Variants in AKAP12 observed in about 807,000 individuals in gnomAD.
AKAP12 encodes the protein A-kinase anchor protein 12.
AKAP12 carries 32 observed loss-of-function variants against 79.9 expected under a neutral mutation model. That is an observed-to-expected ratio of 0.40 (90% CI 0.30 to 0.54). The LOEUF is 0.54. Among genes scored for constraint, AKAP12 ranks in the 20% least tolerant of loss-of-function variants. The probability of loss-of-function intolerance (pLI) is 0.48; values close to 1 mark genes in which losing one functional copy is unlikely to be tolerated. For synonymous variants in AKAP12, 808 were observed against 857.0 expected (o/e 0.94, Z 1.00); for missense variants, 2,074 against 2,177.0 (o/e 0.95, Z 0.94).
chr6:151,350,143 C>G lies in AKAP12; in HGVS notation c.1752C>G (p.Ala584=), dbSNP rs1214335132. Residue 584 remains alanine, a synonymous_variant, in exon 4 of 5, where the codon GCC becomes GCG. Transcript: ENST00000402676. The surrounding 1 kb of genome is among the most constrained non-coding windows in gnomAD (Gnocchi z 4.8). ...TCACGTGTCTGGAAAAGGGCTTAGC[C>G]GAGGTGCAGCAGGATGGGGAAGCTG... ...EEITCLEKGL[A]EVQQDGEAEE... 1.9e-6 allele frequency: 3 copies of G among 1,613,698 alleles called. No homozygotes were observed. Among genetic ancestry groups the G allele is most frequent in the East Asian group, 4.5e-5 (2 of 44,842 alleles).
chr6:151,294,419 T>G (rs1004741212), intron 2 of AKAP12, among the ~76,000 whole-genome samples: 1 of 152,204 alleles, frequency 6.6e-6, no homozygotes, highest in African/African-American at 2.4e-5. Flanking sequence ...GTAATTACTG[T>G]CCACAGTGTC....
intron 2 of AKAP12, 77 bp from the exon 3 acceptor site, chr6:151,305,670 T>G (rs1290087737): frequency 1.5e-5 from 21 of 1,383,544 alleles, no homozygotes; most frequent in Middle Eastern, 1.8e-4. Flanking sequence ...TGGTTTGTAT[T>G]CTGGAAGTTA....
At chr6:151,285,340 A>G (rs934066272) in intron 2 of AKAP12, among the ~76,000 whole-genome samples, 2 of 149,282 alleles carry the variant, frequency 1.3e-5, no homozygotes, top group African/African-American at 5.0e-5. Flanking sequence ...CTATTGAACT[A>G]TTTTTTCCTT....
At chr6:151,321,109 C>T (rs747285967) in intron 3 of AKAP12, among the ~76,000 whole-genome samples, 14 of 152,036 alleles carry the variant, frequency 9.2e-5, no homozygotes, top group Non-Finnish European at 1.9e-4. Context: ...GCCTCAGCCT[C>T]CCGAGTAGCT....
intron 2 of AKAP12, among the ~76,000 whole-genome samples, chr6:151,303,920 T>G (rs1310124845): frequency 6.6e-6 from 1 of 152,144 alleles, no homozygotes; most frequent in Non-Finnish European, 1.5e-5. Flanking sequence ...CTGGAAATAG[T>G]TGGTGGCAAG....
At chr6:151,251,320 C>T (rs1167862165) in intron 2 of AKAP12, among the ~76,000 whole-genome samples, 2 of 152,100 alleles carry the variant, frequency 1.3e-5, no homozygotes, top group Non-Finnish European at 2.9e-5. Context: ...CGTCGTGAAC[C>T]CCTGGGAGAC....
intron 3 of AKAP12, chr6:151,325,940 G>A: frequency 1.9e-6 from 3 of 1,613,600 alleles, no homozygotes; most frequent in Non-Finnish European, 2.5e-6. Context: ...CACGGGGCAC[G>A]AAAAGGGGCT....
intron 3 of AKAP12, chr6:151,341,884 C>T (rs945254665): frequency 4.0e-6 from 4 of 1,001,508 alleles, no homozygotes; most frequent in East Asian, 6.9e-5. Context: ...GAAGGGCCTG[C>T]GCCCGTGGCA....
chr6:151,323,793 A>G (rs1777458609), intron 3 of AKAP12: 1 of 985,228 alleles, frequency 1.0e-6, no homozygotes. Context: ...GGAGCTGGAG[A>G]TTCATTCTGC....
chr6:151,260,422 C>G (rs1797403536), intron 2 of AKAP12, among the ~76,000 whole-genome samples: 2 of 152,140 alleles, frequency 1.3e-5, no homozygotes, highest in South Asian at 4.1e-4. Flanking sequence ...GGCTATGCTG[C>G]CGAATAGGAG....
intron 2 of AKAP12, among the ~76,000 whole-genome samples, chr6:151,276,406 AT>A (rs1250976862): frequency 2.6e-5 from 4 of 152,220 alleles, no homozygotes; most frequent in African/African-American, 9.7e-5. Context: ...TGATTAAGAC[AT>A]TTTCATAGCT....
At chr6:151,312,880 G>T (rs906052849) in intron 3 of AKAP12, among the ~76,000 whole-genome samples, 6 of 151,940 alleles carry the variant, frequency 3.9e-5, no homozygotes, top group African/African-American at 1.5e-4. Flanking sequence ...GATGGGGTGA[G>T]GGGGGCTGTT....
chr6:151,344,469 A>AT (rs1029047433), intron 3 of AKAP12, among the ~76,000 whole-genome samples: 1 of 152,026 alleles, frequency 6.6e-6, no homozygotes, highest in African/African-American at 2.4e-5. Flanking sequence ...ACAAAAAAAA[A>AT]CTCTAGGTCA....
intron 3 of AKAP12, among the ~76,000 whole-genome samples, chr6:151,311,060 T>A (rs1777089071): frequency 6.6e-6 from 1 of 152,218 alleles, no homozygotes; most frequent in Non-Finnish European, 1.5e-5. Context: ...CTCAAACTTC[T>A]GGGCACATGT....
intron 3 of AKAP12, among the ~76,000 whole-genome samples, chr6:151,306,285 G>A (rs1042248868): frequency 2.6e-5 from 4 of 152,164 alleles, no homozygotes; most frequent in African/African-American, 7.2e-5. Context: ...TGCAAGGCAC[G>A]TACCCCTCTT....
intron 3 of AKAP12, among the ~76,000 whole-genome samples, chr6:151,342,253 A>G (rs1453328468): frequency 6.6e-6 from 1 of 152,252 alleles, no homozygotes; most frequent in Non-Finnish European, 1.5e-5. Flanking sequence ...GGGGAGTGTG[A>G]AGCCCAGTGA....
At chr6:151,314,400 A>G (rs992860634) in intron 3 of AKAP12, among the ~76,000 whole-genome samples, 6 of 152,178 alleles carry the variant, frequency 3.9e-5, no homozygotes, top group African/African-American at 1.2e-4. Flanking sequence ...CAAGGGGGGA[A>G]TTTTATTCAA....
At chr6:151,310,133 C>G (rs1465599508) in intron 3 of AKAP12, among the ~76,000 whole-genome samples, 1 of 151,988 alleles carries the variant, frequency 6.6e-6, no homozygotes, top group Non-Finnish European at 1.5e-5. Context: ...GGGGCCGAGG[C>G]GAGTGGATCA....
intron 3 of AKAP12, chr6:151,319,871 A>G (rs1777335161): frequency 6.5e-6 from 1 of 152,890 alleles, no homozygotes; most frequent in African/African-American, 2.4e-5. Flanking sequence ...CACGCGCTCA[A>G]GGTCCATTTA....
Sources: allele counts gnomAD v4.1 joint callset (sites outside exome capture counted in the v4.1 genomes callset), GRCh38; gene constraint gnomAD v4.1.1; non-coding constraint Gnocchi (gnomAD v3.1); transcripts MANE v1.5; gene names NCBI Gene and HGNC (gene_info 2026-07-23, HGNC 2026-07-21).